NBN: variants seen among roughly 807,000 people sequenced by gnomAD.
The protein encoded by NBN is Nijmegen breakage syndrome 1 (nibrin).
A neutral mutation model predicts 90.8 loss-of-function variants in NBN; 88 were observed. That is an observed-to-expected ratio of 0.97 (90% CI 0.82 to 1.16). The LOEUF is 1.16. NBN is among the 50% of genes most tolerant of loss of function. The pLI is 0.00. For missense variants in NBN, 894 were observed against 869.6 expected (o/e 1.03, Z -0.35); for synonymous variants, 328 against 295.1 (o/e 1.11, Z -1.14).
intron 5 of NBN, among the ~76,000 whole-genome samples, chr8:89,974,854 T>C (rs2129864070): frequency 6.6e-6 from 1 of 152,308 alleles, no homozygotes; most frequent in South Asian, 2.1e-4. Flanking sequence ...ATTCAGCAAA[T>C]TGTTTATGAA....
Position 89,946,316 on chromosome 8 carries a change from A to G in NBN, c.1915-21T>C, listed in dbSNP as rs1341137606. 4 of 1,556,456 alleles carry G rather than the reference A, an allele frequency of 2.6e-6. No individual in the cohort carries two copies. The African/African-American group carries it at 5.4e-5, about 21-fold the overall frequency. ...TTGTTCTTAAATGGGGTTAAGATGG[A>G]TAGGTAAGAAAGAGAAGAAATAACA... On this transcript the variant is annotated intron_variant, in intron 12 of 15. Coordinates refer to ENST00000265433, the MANE Select transcript of NBN (RefSeq NM_002485.5).
At chr8:89,982,961 TAAATA>T (rs1399155907) in intron 1 of NBN, 106 bp from the exon 2 acceptor site, 12 of 1,151,908 alleles carry the variant, frequency 1.0e-5, no homozygotes, top group Admixed American at 8.0e-5. Flanking sequence ...TGACAAATAT[TAAATA>T]AAACACCTTT....
At position 89,935,410 on chromosome 8, in the gene NBN, C is replaced by A; in HGVS notation, c.*172G>T. 2.8e-6 allele frequency: 2 copies of A among 709,114 alleles called. No homozygotes were observed. The highest frequency in any genetic ancestry group is 2.9e-5 in the East Asian group (1 of 34,252). 43.9% of individuals were successfully genotyped at this position (709,114 alleles called of 1,614,324 possible). On this transcript the variant is annotated 3_prime_UTR_variant, in exon 16 of 16. Transcript: ENST00000265433. The stretch of plus-strand genomic sequence containing the variant: ...TGACAAAGCCTGAAAACAGAACAAA[C>A]AATTGTTACATACAAAAGAATCAAA...
At chr8:89,973,640 GAAAGA>G (rs1469481351) in intron 5 of NBN, among the ~76,000 whole-genome samples, 2 of 152,182 alleles carry the variant, frequency 1.3e-5, no homozygotes, top group Admixed American at 6.5e-5. Flanking sequence ...ATGAGAGCAA[GAAAGA>G]AAAGACTAGT....
chr8:89,935,681 C>T lies in NBN; in HGVS notation c.2235-69G>A, dbSNP rs1460273910. The stretch of plus-strand genomic sequence containing the variant: ...TGGTATTTCTTTTAAAGGTAAAGAA[C>T]TTTCAAACTGTAGTCACACTTTGGC... On this transcript the variant is annotated intron_variant, in intron 15 of 15. Transcript: ENST00000265433. The T allele has an allele frequency of 5.1e-6, 8 of 1,573,624 alleles. No individual in the cohort carries two copies. The African/African-American group carries it at 1.1e-4, about 21-fold the overall frequency.
chr8:89,979,461 G>T (rs911485007), intron 4 of NBN, among the ~76,000 whole-genome samples: 2 of 152,070 alleles, frequency 1.3e-5, no homozygotes. Flanking sequence ...ATGTGACTTG[G>T]GAAATTAATT....
chr8:89,940,818 C>T, intron 14 of NBN, among the ~76,000 whole-genome samples: 1 of 152,036 alleles, frequency 6.6e-6, no homozygotes, highest in East Asian at 1.9e-4. Flanking sequence ...ATAATAACAG[C>T]CTTTCAGAAT....
At chr8:89,982,581 A>G in intron 2 of NBN, 141 bp downstream of exon 2, 2 of 759,428 alleles carry the variant, frequency 2.6e-6, no homozygotes, top group South Asian at 1.5e-5. Context: ...ATAAGTATTT[A>G]ATTTTGTTAA....
At chr8:89,950,325 T>C (rs1044751658) in intron 11 of NBN, among the ~76,000 whole-genome samples, 7 of 152,190 alleles carry the variant, frequency 4.6e-5, no homozygotes, top group African/African-American at 1.2e-4. Context: ...CATCCTCTCA[T>C]ATACTTTAAA....
chr8:89,967,874 A>T (rs1811325365), intron 7 of NBN, among the ~76,000 whole-genome samples: 3 of 152,196 alleles, frequency 2.0e-5, no homozygotes, highest in African/African-American at 4.8e-5. Flanking sequence ...TCTGCTTCAT[A>T]TAATTGCTCC....
intron 13 of NBN, among the ~76,000 whole-genome samples, chr8:89,945,319 T>C (rs1057348145): frequency 6.6e-6 from 1 of 152,168 alleles, no homozygotes; most frequent in African/African-American, 2.4e-5. Flanking sequence ...TTCCATCTTC[T>C]GCTCTAAGTA....
intron 5 of NBN, among the ~76,000 whole-genome samples, chr8:89,977,303 G>T (rs771884858): frequency 6.6e-6 from 1 of 151,484 alleles, no homozygotes. Context: ...TCCCACTTAT[G>T]AGTGAGAACA....
chr8:89,981,372 T>C lies in NBN; in HGVS notation c.320+3A>G. On this transcript the variant is annotated splice_donor_region_variant and intron_variant, in intron 3 of 15. Transcript: ENST00000265433. ...TTTTAAAATCAATTTTAAAATGTCT[T>C]ACCTGAATTTACTTCCAAACACTCC... The C allele has an allele frequency of 6.2e-7, 1 of 1,613,616 alleles. No homozygotes were observed. Among genetic ancestry groups the C allele is most frequent in the Non-Finnish European group, 8.5e-7 (1 of 1,179,664 alleles).
intron 8 of NBN, among the ~76,000 whole-genome samples, chr8:89,959,498 A>G (rs184965356): frequency 6.6e-6 from 1 of 152,316 alleles, no homozygotes; most frequent in Non-Finnish European, 1.5e-5. Flanking sequence ...CACGCCTGTT[A>G]TCCCAGCACT....
In NBN at chr8:89,981,521, A is replaced by G. The variant is rs1381256979; in HGVS notation, c.174T>C (p.Ser58=). Residue 58 remains serine, a splice_region_variant and synonymous_variant, in exon 3 of 16, where the codon AGT becomes AGC. Coordinates refer to ENST00000265433, the MANE Select transcript of NBN (RefSeq NM_002485.5). ...LTANFSVTNL[S]QTDEIPVLTL... is the part of the protein sequence containing the mutation. The stretch of plus-strand genomic sequence containing the variant: ...TCAATACAGGGATTTCATCTGTTTG[A>G]CTCTGAAAAGTTAGCAAATAATTTA... The G allele has an allele frequency of 6.2e-7, 1 of 1,612,870 alleles. No homozygotes were observed. The highest frequency in any genetic ancestry group is 1.3e-5 in the African/African-American group (1 of 74,866).
chr8:89,947,851 G>A lies in NBN; in HGVS notation c.1887C>T (p.Asp629=), dbSNP rs1330758230. ...ATATTTCTTTAGCTGACCATAGTGA[G>A]TCTTCCTTGAGTTCACGTTTCTTCC... ...EIGKKRELKE[D]SLWSAKEISN... The change falls in exon 12 of 16, where the codon GAC becomes GAT. Residue 629 remains aspartate, a synonymous_variant. Coordinates refer to ENST00000265433, the MANE Select transcript of NBN (RefSeq NM_002485.5). 1 of 1,583,600 alleles carries A rather than the reference G, an allele frequency of 6.3e-7. No homozygotes were observed. The highest frequency in any genetic ancestry group is 2.2e-5 in the East Asian group (1 of 44,460).
At chr8:89,972,313 T>C (rs1811555867) in intron 5 of NBN, among the ~76,000 whole-genome samples, 1 of 152,258 alleles carries the variant, frequency 6.6e-6, no homozygotes, top group Non-Finnish European at 1.5e-5. Context: ...CTGATGCATG[T>C]ATTTTAATTT....
chr8:89,935,684 TC>T, intron 15 of NBN, 72 bp from the exon 16 acceptor site: 1 of 1,570,762 alleles, frequency 6.4e-7, no homozygotes, highest in Non-Finnish European at 8.7e-7. Context: ...TAAAGAACTT[TC>T]AAACTGTAGT....
rs751567476 is a variant in NBN at position 89,978,325 on chromosome 8, T to A, written c.481-2A>T. On this transcript the variant is annotated splice_acceptor_variant, in intron 4 of 15. Transcript: ENST00000265433. LOFTEE classifies it high-confidence loss of function. ...TCCACAAATGAGTGCACATATTGTC[T>A]ACAATGAAGAAAACATGTGAATATA... 7 of 1,582,802 alleles carry A rather than the reference T, an allele frequency of 4.4e-6. No individual in the cohort carries two copies. Among genetic ancestry groups the A allele is most frequent in the Non-Finnish European group, 4.3e-6 (5 of 1,151,806 alleles).
Sources: gnomAD v4.1 joint callset for allele counts (sites outside exome capture counted in the v4.1 genomes callset) on GRCh38, gnomAD v4.1.1 for gene constraint, MANE v1.5 for transcripts, NCBI Gene and HGNC (gene_info 2026-07-23, HGNC 2026-07-21) for gene names.